The following MED27 variants were observed in gnomAD, a reference collection of about 807,000 sequenced individuals.
MED27 encodes mediator complex subunit 27, also known as mediator of RNA polymerase II transcription subunit 27.
In MED27, 30 loss-of-function variants were observed where a neutral mutation model predicts 38.2. That is an observed-to-expected ratio of 0.79 (90% CI 0.59 to 1.07). The LOEUF (loss-of-function observed/expected upper bound fraction) is 1.07. Ranked by LOEUF, MED27 falls within the 50% of genes least tolerant of loss-of-function variation. The pLI is 0.00. For missense variants in MED27, 289 were observed against 397.5 expected, an observed-to-expected ratio of 0.73 and a Z score of 2.32; for synonymous variants, 122 against 153.5, an observed-to-expected ratio of 0.79 and a Z score of 1.52.
At chr9:132,021,944 A>G (rs1357059742) in intron 2 of MED27, among the ~76,000 whole-genome samples, 1 of 152,230 alleles carries the variant, frequency 6.6e-6, no homozygotes, top group Non-Finnish European at 1.5e-5. Context: ...TGGACTTTCC[A>G]GCCTTCTGAA....
chr9:132,020,004 G>A (rs1378511943), intron 2 of MED27, among the ~76,000 whole-genome samples: 1 of 152,150 alleles, frequency 6.6e-6, no homozygotes, highest in East Asian at 1.9e-4. Context: ...TTTAAACTCT[G>A]TTGTCTTCAA....
chr9:132,017,990 C>A (rs77206190), intron 2 of MED27, among the ~76,000 whole-genome samples: 1 of 152,126 alleles, frequency 6.6e-6, no homozygotes, highest in Non-Finnish European at 1.5e-5. Flanking sequence ...AGGGTCCTGA[C>A]GAAATGTAAG....
chr9:131,956,631 AGTGAAT>A, intron 3 of MED27, among the ~76,000 whole-genome samples: 2 of 151,828 alleles, frequency 1.3e-5, no homozygotes, highest in Non-Finnish European at 2.9e-5. Flanking sequence ...AAAAAAAAAA[AGTGAAT>A]GTACTTAATG....
rs1830233214 is a variant in MED27, at chr9:131,913,793, TGA to T, written c.574-19803_574-19802del. 1.3e-5 allele frequency among the ~76,000 whole-genome samples: 2 copies of T among 152,206 alleles called. No homozygotes were observed. The highest frequency in any genetic ancestry group is 4.8e-5 in the African/African-American group (2 of 41,442). The stretch of plus-strand genomic sequence containing the variant: ...TACCCCATCAATTCTGGGGCGAAAC[TGA>T]CACTTCTAACAAGCACCGAGGGCGG... On this transcript the variant is annotated intron_variant, in intron 4 of 7. Coordinates refer to ENST00000292035, the MANE Select transcript of MED27 (RefSeq NM_004269.4). This position sits in a 1 kb window ranked among gnomAD's most constrained non-coding sequence, Gnocchi z 4.5.
chr9:131,943,865 C>T (rs1830833549), intron 3 of MED27, among the ~76,000 whole-genome samples: 1 of 152,112 alleles, frequency 6.6e-6, no homozygotes, highest in Non-Finnish European at 1.5e-5. Flanking sequence ...AAGAACTGGG[C>T]TAGAAACACA....
intron 3 of MED27, among the ~76,000 whole-genome samples, chr9:132,008,066 G>A (rs1323232856): frequency 6.6e-6 from 1 of 152,210 alleles, no homozygotes; most frequent in African/African-American, 2.4e-5. Context: ...CACCTCTGCT[G>A]TTACTGAAAG....
chr9:131,866,813 G>C (rs1838744141), intron 6 of MED27, among the ~76,000 whole-genome samples: 1 of 152,182 alleles, frequency 6.6e-6, no homozygotes. Flanking sequence ...CGCTCTCATG[G>C]CTTTCCCTGC....
rs576483317 is a variant in MED27 at position 131,872,085 on chromosome 9, G to A, written c.724-8945C>T. On this transcript the variant is annotated intron_variant, in intron 6 of 7. Transcript: ENST00000292035. This position sits in a 1 kb window ranked among gnomAD's most constrained non-coding sequence, Gnocchi z 5.6. ...CGCAGCATGCAGGTGAGGAACAGAC[G>A]CTGGAGGCTGACTGCTGGGAACCGC... Among the ~76,000 whole-genome samples, 16 of 152,284 alleles carry A rather than the reference G, an allele frequency of 1.1e-4. No individual in the cohort carries two copies. The highest frequency in any genetic ancestry group is 7.7e-4 in the East Asian group (4 of 5,170).
At chr9:132,057,248 G>A (rs1833599936) in intron 2 of MED27, among the ~76,000 whole-genome samples, 1 of 152,214 alleles carries the variant, frequency 6.6e-6, no homozygotes, top group Non-Finnish European at 1.5e-5. Context: ...ACAGTGCTTG[G>A]CCATCCAGAG....
intron 4 of MED27, among the ~76,000 whole-genome samples, chr9:131,911,876 T>C (rs1830194958): frequency 6.6e-6 from 1 of 152,188 alleles, no homozygotes; most frequent in African/African-American, 2.4e-5. Flanking sequence ...CCTTCCCTGA[T>C]CACTGCTGTT....
chr9:131,921,825 T>C (rs1589213391), intron 4 of MED27, among the ~76,000 whole-genome samples: 1 of 152,172 alleles, frequency 6.6e-6, no homozygotes, highest in Admixed American at 6.5e-5. Context: ...ATACACACCA[T>C]GGAATACTAT....
chr9:131,893,768 G>C (rs887447034), intron 5 of MED27, 117 bp downstream of exon 5: 27 of 705,324 alleles, frequency 3.8e-5, no homozygotes, highest in Admixed American at 3.1e-4. Context: ...ACAAATCTAT[G>C]TTTGCTGATC....
chr9:131,914,908 T>C (rs746221138), intron 4 of MED27, among the ~76,000 whole-genome samples: 17 of 152,180 alleles, frequency 1.1e-4, no homozygotes, highest in Non-Finnish European at 2.1e-4. Flanking sequence ...TTGTGAAGTA[T>C]GGGAGAAAGA....
At chr9:132,020,204 CTA>C (rs1406602558) in intron 2 of MED27, among the ~76,000 whole-genome samples, 1 of 152,064 alleles carries the variant, frequency 6.6e-6, no homozygotes, top group Non-Finnish European at 1.5e-5. Flanking sequence ...TACTCTGTTT[CTA>C]CTGAAGAATT....
intron 1 of MED27, among the ~76,000 whole-genome samples, 191 bp downstream of exon 1, chr9:132,079,451 A>G (rs912481267): frequency 1.3e-5 from 2 of 152,208 alleles, no homozygotes; most frequent in African/African-American, 4.8e-5. Context: ...GGCCAGGAGA[A>G]GCAAGACGAG....
intron 2 of MED27, among the ~76,000 whole-genome samples, chr9:132,046,013 T>C (rs983613631): frequency 4.6e-5 from 7 of 152,220 alleles, no homozygotes; most frequent in Non-Finnish European, 1.0e-4. Context: ...AATGGAACCT[T>C]GGTCCCTGGA....
chr9:131,909,210 A>G (rs1459153388), intron 4 of MED27, among the ~76,000 whole-genome samples: 1 of 152,226 alleles, frequency 6.6e-6, no homozygotes, highest in African/African-American at 2.4e-5. Context: ...TGGAGGGGAA[A>G]TATCACTTCC....
chr9:131,990,837 AG>A (rs1831956844), intron 3 of MED27, among the ~76,000 whole-genome samples: 2 of 152,244 alleles, frequency 1.3e-5, no homozygotes, highest in South Asian at 4.1e-4. Context: ...GCAAATCACC[AG>A]GAACAGTATT....
intron 1 of MED27, among the ~76,000 whole-genome samples, chr9:132,078,463 A>G (rs1834104518): frequency 1.3e-5 from 2 of 152,212 alleles, no homozygotes; most frequent in Non-Finnish European, 2.9e-5. Context: ...AGGGAAGAAT[A>G]GCCAGTGCAT....
Sources: allele counts gnomAD v4.1 joint callset (sites outside exome capture counted in the v4.1 genomes callset), GRCh38; gene constraint gnomAD v4.1.1; non-coding constraint Gnocchi (gnomAD v3.1); transcripts MANE v1.5; gene names NCBI Gene and HGNC (gene_info 2026-07-23, HGNC 2026-07-21).